EEA1: variants seen among roughly 807,000 people sequenced by gnomAD.
EEA1 encodes early endosome antigen 1, 162kD.
Under a neutral mutation model 209.2 loss-of-function variants are expected in EEA1, and 111 were observed. That is an observed-to-expected ratio of 0.53 (90% CI 0.45 to 0.62). EEA1 has a LOEUF of 0.62. Among genes scored for constraint, EEA1 ranks in the 20% least tolerant of loss-of-function variants. The probability of loss-of-function intolerance (pLI) is 0.00; values close to 1 mark genes in which losing one functional copy is unlikely to be tolerated. For missense variants in EEA1, 1,343 were observed against 1,530.8 expected (o/e 0.88, Z 2.05); for synonymous variants, 536 against 540.6 (o/e 0.99, Z 0.12).
At chr12:92,803,204 A>G (rs1048545976) in intron 18 of EEA1, among the ~76,000 whole-genome samples, 1 of 152,124 alleles carries the variant, frequency 6.6e-6, no homozygotes, top group Non-Finnish European at 1.5e-5. Context: ...TGGTTAACCC[A>G]GAAAAAAATC....
At chr12:92,911,287 C>A (rs1880574596) in intron 1 of EEA1, among the ~76,000 whole-genome samples, 1 of 152,146 alleles carries the variant, frequency 6.6e-6, no homozygotes. Flanking sequence ...AGACAATATT[C>A]TCCAGCGTTA....
At chr12:92,920,770 C>T (rs1367616256) in intron 1 of EEA1, among the ~76,000 whole-genome samples, 3 of 151,068 alleles carry the variant, frequency 2.0e-5, no homozygotes, top group Non-Finnish European at 3.0e-5. Flanking sequence ...AACTCAAGAG[C>T]TTCTGCACAG....
At position 92,832,833 on chromosome 12, in the gene EEA1, C is replaced by T. The variant is rs1019566003; in HGVS notation, c.933G>A (p.Leu311=). ...TQKNQTLTEN[L]LKKEQDYTKL... is the part of the protein sequence containing the mutation. ...TAGTATAGTCTTGTTCTTTTTTCAG[C>T]AAGTTTTCTGTCAAGGTCTAAAATA... Residue 311 remains leucine, a synonymous_variant, in exon 11 of 29, where the codon TTG becomes TTA. Transcript: ENST00000322349. 4.4e-6 allele frequency: 7 copies of T among 1,602,216 alleles called. No homozygotes were observed. Among genetic ancestry groups the T allele is most frequent in the Admixed American group, 3.4e-5 (2 of 58,170 alleles).
rs560021832 is a variant in EEA1 at position 92,829,448 on chromosome 12, T to C, written c.1255-1387A>G. Among the ~76,000 whole-genome samples, 4 of 152,316 alleles carry C rather than the reference T, an allele frequency of 2.6e-5. No individual in the cohort carries two copies. The East Asian group carries it at 7.7e-4, about 29-fold the overall frequency. On this transcript the variant is annotated intron_variant, in intron 11 of 28. Coordinates refer to ENST00000322349, the MANE Select transcript of EEA1 (RefSeq NM_003566.4). ...CTTCCACTATGAATGCTTATATTTATTCATTCATTCACTCACTAAAACATA... is the reference window on the plus strand; with the variant it reads ...CTTCCACTATGAATGCTTATATTTACTCATTCATTCACTCACTAAAACATA...
intron 10 of EEA1, among the ~76,000 whole-genome samples, chr12:92,835,821 T>C (rs56254524): frequency 0.26 from 39,131 of 152,068 alleles, 5,535 homozygotes; most frequent in Non-Finnish European, 0.32. Context: ...ATTACAAACA[T>C]GAAAGAGAAT....
rs79981658 is a variant in EEA1, at chr12:92,882,569, C to G, written c.117+9060G>C. ...TCGGATTTTCAACCACTGCCCACCC[C>G]CTTCCCTTCTCATTCTAGTAGTCTC... On this transcript the variant is annotated intron_variant, in intron 2 of 28. Transcript: ENST00000322349. Among the ~76,000 whole-genome samples, 153 of 151,252 alleles carry G rather than the reference C, an allele frequency of 1.0e-3. 1 individual carries two copies. The East Asian group carries it at 0.027, about 27-fold the overall frequency.
At chr12:92,832,364 C>T in intron 11 of EEA1, 148 bp downstream of exon 11, 1 of 686,618 alleles carries the variant, frequency 1.5e-6, no homozygotes, top group Non-Finnish European at 2.3e-6. Context: ...TGAGATCTGA[C>T]AACACTACAG....
At chr12:92,854,023 G>T in intron 5 of EEA1, 69 bp from the exon 6 acceptor site, 1 of 1,234,142 alleles carries the variant, frequency 8.1e-7, no homozygotes, top group Non-Finnish European at 1.1e-6. Context: ...AATGGTCAAT[G>T]TTAAAAAATC....
chr12:92,827,878 C>T (rs532651507), intron 12 of EEA1, 34 bp downstream of exon 12: 6 of 1,506,566 alleles, frequency 4.0e-6, no homozygotes, highest in Middle Eastern at 1.8e-4. Flanking sequence ...AAAGATGCCT[C>T]AAGCCTATCA....
chr12:92,775,851 G>T lies in EEA1; in HGVS notation c.*160C>A. 1 of 620,022 alleles carries T rather than the reference G, an allele frequency of 1.6e-6. No individual in the cohort carries two copies. Among genetic ancestry groups the T allele is most frequent in the Non-Finnish European group, 2.4e-6 (1 of 418,382 alleles). The allele number at this position is 620,022 out of a possible 1,614,324, so 38.4% of individuals were successfully genotyped here. A position where few individuals can be genotyped will look rare whatever the true frequency, so the allele number is the denominator to read the frequency against. On this transcript the variant is annotated 3_prime_UTR_variant, in exon 29 of 29. Coordinates refer to ENST00000322349, the MANE Select transcript of EEA1 (RefSeq NM_003566.4). ...GCCCAAGTCTCACAAAAATAGAAGA[G>T]TTTTACTTGATATCCATAACATTCC...
At chr12:92,785,403 A>G (rs1419366227) in intron 22 of EEA1, among the ~76,000 whole-genome samples, 3 of 152,204 alleles carry the variant, frequency 2.0e-5, no homozygotes, top group African/African-American at 7.2e-5. Flanking sequence ...GTAGTTAGGT[A>G]TCATGTTACA....
intron 21 of EEA1, among the ~76,000 whole-genome samples, chr12:92,791,491 C>G (rs1874401698): frequency 6.6e-6 from 1 of 152,134 alleles, no homozygotes; most frequent in African/African-American, 2.4e-5. Context: ...TCTGATAAAA[C>G]ACACTTTAAA....
intron 1 of EEA1, among the ~76,000 whole-genome samples, chr12:92,913,916 C>T (rs994619846): frequency 1.1e-4 from 16 of 152,080 alleles, no homozygotes; most frequent in African/African-American, 3.6e-4. Context: ...CCGCCTAGGC[C>T]TCCCAAAGTG....
intron 1 of EEA1, among the ~76,000 whole-genome samples, chr12:92,908,182 A>G (rs536975109): frequency 1.3e-5 from 2 of 152,370 alleles, no homozygotes; most frequent in South Asian, 4.1e-4. Context: ...ATGCTGCAAC[A>G]TGAAGCTAGA....
chr12:92,777,781 A>G, intron 26 of EEA1, 118 bp from the exon 27 acceptor site: 2 of 1,277,754 alleles, frequency 1.6e-6, no homozygotes. Flanking sequence ...AATTTTGACT[A>G]TCTGATTGTT....
intron 1 of EEA1, among the ~76,000 whole-genome samples, chr12:92,927,410 T>C (rs116030668): frequency 0.024 from 3,653 of 152,302 alleles, 159 homozygotes; most frequent in African/African-American, 0.084. Context: ...ATTTCACTTT[T>C]GTAGTTTCAA....
At chr12:92,883,685 T>C in intron 2 of EEA1, 1 of 716,534 alleles carries the variant, frequency 1.4e-6, no homozygotes, top group South Asian at 1.8e-5. Flanking sequence ...ATCGTAAGAA[T>C]ACAGTGAGAC....
At chr12:92,900,467 T>C (rs1037853585) in intron 1 of EEA1, among the ~76,000 whole-genome samples, 4 of 152,002 alleles carry the variant, frequency 2.6e-5, no homozygotes, top group Non-Finnish European at 4.4e-5. Flanking sequence ...CCACAAAATT[T>C]TCTTGTTTTA....
At chr12:92,925,058 T>C (rs976768853) in intron 1 of EEA1, among the ~76,000 whole-genome samples, 7 of 151,836 alleles carry the variant, frequency 4.6e-5, no homozygotes, top group African/African-American at 1.7e-4. Context: ...TTCAAGAGTA[T>C]AGTTGTATGA....
Sources: allele counts gnomAD v4.1 joint callset (sites outside exome capture counted in the v4.1 genomes callset), GRCh38; gene constraint gnomAD v4.1.1; transcripts MANE v1.5; gene names NCBI Gene and HGNC (gene_info 2026-07-23, HGNC 2026-07-21).